The following PARN variants were observed in gnomAD, a reference collection of about 807,000 sequenced individuals.
PARN encodes poly(A)-specific ribonuclease PARN.
PARN carries 71 observed loss-of-function variants against 102.8 expected under a neutral mutation model. The ratio of observed to expected loss-of-function variants is 0.69; its 90% CI spans 0.57 to 0.84. The LOEUF (loss-of-function observed/expected upper bound fraction) is 0.84. Among genes scored for constraint, PARN ranks in the 40% least tolerant of loss-of-function variants. PARN has a pLI of 0.00. For missense variants in PARN, 782 were observed against 760.9 expected, an observed-to-expected ratio of 1.03 and a Z score of -0.33; for synonymous variants, 261 against 252.9, an observed-to-expected ratio of 1.03 and a Z score of -0.30.
intron 21 of PARN, among the ~76,000 whole-genome samples, chr16:14,547,739 T>C (rs1200188147): frequency 6.6e-6 from 1 of 151,576 alleles, no homozygotes; most frequent in Non-Finnish European, 1.5e-5. Flanking sequence ...GCTTTAAAAA[T>C]CTTGATTAAA....
intron 22 of PARN, among the ~76,000 whole-genome samples, chr16:14,448,398 T>A: frequency 6.6e-6 from 1 of 152,000 alleles, no homozygotes; most frequent in East Asian, 1.9e-4. Context: ...CCGCCCAACT[T>A]GGCCTCCCAA....
Position 14,514,760 on chromosome 16 carries a change from T to C in PARN, c.1481-31933A>G, listed in dbSNP as rs762848046. 7.3e-4 allele frequency among the ~76,000 whole-genome samples: 111 copies of C among 152,326 alleles called. No individual in the cohort carries two copies. The Middle Eastern group carries it at 0.014, about 19-fold the overall frequency. On this transcript the variant is annotated intron_variant, in intron 21 of 23. Coordinates refer to ENST00000437198, the MANE Select transcript of PARN (RefSeq NM_002582.4). ...TCTGTAATTCGGCCAGAAGGCCCTG[T>C]AGCACGTGGCCAGCTTGTCTTCCAG...
intron 21 of PARN, among the ~76,000 whole-genome samples, chr16:14,515,755 G>A (rs1221108384): frequency 2.0e-5 from 3 of 151,922 alleles, no homozygotes; most frequent in Non-Finnish European, 4.4e-5. Context: ...GGGCAATACA[G>A]CAAGACCCTG....
intron 6 of PARN, among the ~76,000 whole-genome samples, chr16:14,612,993 A>G (rs942800863): frequency 1.3e-5 from 2 of 150,268 alleles, no homozygotes; most frequent in Admixed American, 6.6e-5. Context: ...ACATTTAGTT[A>G]TCATTGGGAC....
intron 13 of PARN, among the ~76,000 whole-genome samples, chr16:14,586,843 T>A (rs1201931663): frequency 6.6e-6 from 1 of 152,208 alleles, no homozygotes; most frequent in African/African-American, 2.4e-5. Flanking sequence ...ACCTTTGAAA[T>A]GTTAGTAAAA....
chr16:14,442,303 C>T (rs1960974527), intron 23 of PARN, among the ~76,000 whole-genome samples: 1 of 152,138 alleles, frequency 6.6e-6, no homozygotes, highest in South Asian at 2.1e-4. Context: ...TTAAACATGA[C>T]CTGGGAAAAC....
At chr16:14,485,472 T>A (rs1963618567) in intron 21 of PARN, among the ~76,000 whole-genome samples, 1 of 152,210 alleles carries the variant, frequency 6.6e-6, no homozygotes. Context: ...AAGGTCACCC[T>A]GTCACATACC....
intron 18 of PARN, among the ~76,000 whole-genome samples, chr16:14,576,573 G>T (rs1596722337): frequency 1.3e-5 from 2 of 152,212 alleles, no homozygotes; most frequent in South Asian, 4.1e-4. Context: ...TTAGATTTTA[G>T]ATCTGGATTT....
chr16:14,440,976 T>C (rs549092618), intron 23 of PARN, among the ~76,000 whole-genome samples: 53 of 152,284 alleles, frequency 3.5e-4, no homozygotes, highest in African/African-American at 1.2e-3. Flanking sequence ...TCAAATTGTA[T>C]ACCTGAAAGT....
chr16:14,604,058 A>G, intron 11 of PARN, 88 bp downstream of exon 11: 1 of 829,998 alleles, frequency 1.2e-6, no homozygotes. Context: ...ATTAAATTGA[A>G]TCCAACATAT....
intron 22 of PARN, among the ~76,000 whole-genome samples, chr16:14,456,690 A>G (rs1961695432): frequency 6.6e-6 from 1 of 152,148 alleles, no homozygotes; most frequent in Non-Finnish European, 1.5e-5. Flanking sequence ...TCCCCCAGGT[A>G]CTGCAGCTGG....
chr16:14,533,673 T>C (rs956501481), intron 21 of PARN, among the ~76,000 whole-genome samples: 41 of 152,284 alleles, frequency 2.7e-4, no homozygotes, highest in East Asian at 2.3e-3. Flanking sequence ...CTCCAACTTA[T>C]GACCGGAGGG....
At chr16:14,466,020 A>T (rs1962323264) in intron 22 of PARN, among the ~76,000 whole-genome samples, 1 of 152,218 alleles carries the variant, frequency 6.6e-6, no homozygotes, top group Non-Finnish European at 1.5e-5. Context: ...TGGGAGGAGG[A>T]TCAGAAAAAA....
At chr16:14,562,432 C>CG (rs1968126480) in intron 18 of PARN, among the ~76,000 whole-genome samples, 1 of 104,758 alleles carries the variant, frequency 9.5e-6, no homozygotes, top group Non-Finnish European at 1.9e-5. Flanking sequence ...GACTCTGTCT[C>CG]GAAAAAAAAA....
intron 11 of PARN, among the ~76,000 whole-genome samples, chr16:14,600,403 C>A (rs1187069002): frequency 6.6e-6 from 1 of 152,110 alleles, no homozygotes; most frequent in Non-Finnish European, 1.5e-5. Flanking sequence ...TCGAAAAATA[C>A]ATTTTTACAA....
At chr16:14,497,364 G>A (rs777989340) in intron 21 of PARN, among the ~76,000 whole-genome samples, 29 of 152,180 alleles carry the variant, frequency 1.9e-4, no homozygotes, top group Admixed American at 4.6e-4. Context: ...CACAGCCTGC[G>A]TGTAACTGAA....
At position 14,534,487 on chromosome 16, in the gene PARN, T is replaced by C. The variant is rs980717389; in HGVS notation, c.1480+17534A>G. Reference sequence around the variant, plus strand: ...ATGCACTAAAAGCGATTCAAACTTATTTGGGGCATTAATAGACAATTATTT... The same window carrying C: ...ATGCACTAAAAGCGATTCAAACTTACTTGGGGCATTAATAGACAATTATTT... On this transcript the variant is annotated intron_variant, in intron 21 of 23. Coordinates refer to ENST00000437198, the MANE Select transcript of PARN (RefSeq NM_002582.4). 5.3e-5 allele frequency among the ~76,000 whole-genome samples: 8 copies of C among 152,182 alleles called. No homozygotes were observed. The South Asian group carries it at 6.2e-4, about 12-fold the overall frequency.
chr16:14,600,989 G>C (rs561715172), intron 11 of PARN, among the ~76,000 whole-genome samples: 1 of 152,230 alleles, frequency 6.6e-6, no homozygotes, highest in East Asian at 1.9e-4. Context: ...GTATTTGCAA[G>C]GATGTAGAGA....
intron 23 of PARN, among the ~76,000 whole-genome samples, chr16:14,443,486 G>T (rs979684254): frequency 1.4e-4 from 21 of 151,934 alleles, no homozygotes; most frequent in Admixed American, 1.1e-3. Flanking sequence ...GATTACAGGT[G>T]TGCACCACCA....
Sources: allele counts gnomAD v4.1 joint callset (sites outside exome capture counted in the v4.1 genomes callset), GRCh38; gene constraint gnomAD v4.1.1; transcripts MANE v1.5; gene names NCBI Gene and HGNC (gene_info 2026-07-23, HGNC 2026-07-21).